The following KYAT1 variants were observed in gnomAD, a reference collection of about 807,000 sequenced individuals.
KYAT1 encodes the protein kynurenine aminotransferase 1.
In KYAT1, 47 loss-of-function variants were observed where a neutral mutation model predicts 52.4. That is an observed-to-expected ratio of 0.90 (90% CI 0.71 to 1.14). The LOEUF (loss-of-function observed/expected upper bound fraction) is 1.14. Among genes scored for constraint, KYAT1 ranks in the 50% most tolerant of loss-of-function variants. The pLI is 0.00. For synonymous variants in KYAT1, 212 were observed against 209.6 expected, an observed-to-expected ratio of 1.01 and a Z score of -0.10; for missense variants, 480 against 557.9, an observed-to-expected ratio of 0.86 and a Z score of 1.41.
intron 1 of KYAT1, among the ~76,000 whole-genome samples, chr9:128,851,908 G>A (rs969873956): frequency 2.6e-5 from 4 of 152,098 alleles, no homozygotes; most frequent in African/African-American, 9.7e-5. Context: ...CAACCACAAT[G>A]GCCACCTCCT....
intron 1 of KYAT1, among the ~76,000 whole-genome samples, chr9:128,845,846 C>G (rs1833008376): frequency 6.6e-6 from 1 of 152,226 alleles, no homozygotes; most frequent in Non-Finnish European, 1.5e-5. Context: ...AGAGGTCTTG[C>G]TAAGCACTTC....
chr9:128,867,927 C>A (rs1329865246), intron 1 of KYAT1, among the ~76,000 whole-genome samples: 1 of 152,020 alleles, frequency 6.6e-6, no homozygotes, highest in Non-Finnish European at 1.5e-5. Context: ...TGCCCACCAC[C>A]ACGCCCAGCT....
In KYAT1 at chr9:128,833,408, G is replaced by T; in HGVS notation, c.*176C>A. 1.5e-6 allele frequency: 1 copy of T among 682,592 alleles called. No homozygotes were observed. Among genetic ancestry groups the T allele is most frequent in the Non-Finnish European group, 2.5e-6 (1 of 398,770 alleles). 42.3% of individuals were successfully genotyped at this position (682,592 alleles called of 1,614,324 possible). ...TCACCTTTCAGACAGGAGGCACTTG[G>T]TTCTCTAAGATGAAGAAGGGCGGCT... is the stretch of plus-strand genomic sequence containing the variant. On this transcript the variant is annotated 3_prime_UTR_variant, in exon 13 of 13. Transcript: ENST00000302586.
At chr9:128,845,116 G>C (rs1050935987) in intron 2 of KYAT1, among the ~76,000 whole-genome samples, 4 of 152,148 alleles carry the variant, frequency 2.6e-5, no homozygotes, top group African/African-American at 9.7e-5. Context: ...TTTGCAGCTG[G>C]GGAGATGAGG....
At chr9:128,839,781 C>T (rs942481462) in intron 3 of KYAT1, among the ~76,000 whole-genome samples, 7 of 152,206 alleles carry the variant, frequency 4.6e-5, no homozygotes, top group South Asian at 2.1e-4. Flanking sequence ...GGCCAGGCAC[C>T]GTGGCTCACG....
chr9:128,859,069 A>C (rs1203280764), intron 1 of KYAT1, among the ~76,000 whole-genome samples: 1 of 152,088 alleles, frequency 6.6e-6, no homozygotes, highest in African/African-American at 2.4e-5. Context: ...ATACTTAAAA[A>C]TAGTTACCCT....
chr9:128,865,328 TATATATATATATATATATATA>T lies in KYAT1; in HGVS notation c.-7+16548_-7+16568del, dbSNP rs1836103834. Among the ~76,000 whole-genome samples the T allele has an allele frequency of 1.6e-4, 6 of 36,648 alleles. 1 individual carries two copies. The highest frequency in any genetic ancestry group is 1.2e-3 in the Admixed American group (4 of 3,202). The allele number at this position is 36,648 out of a possible 152,430, so 24.0% of individuals were successfully genotyped here. A position where few individuals can be genotyped will look rare whatever the true frequency, so the allele number is the denominator to read the frequency against. On this transcript the variant is annotated intron_variant, in intron 1 of 12. Coordinates refer to ENST00000302586, the MANE Select transcript of KYAT1 (RefSeq NM_004059.5). ...GCCTACATATATATATATATATATA[TATATATATATATATATATATA>T]TATATATATATTTTTTTTTTTTTTT...
intron 2 of KYAT1, 34 bp downstream of exon 2, chr9:128,845,318 GA>G: frequency 2.5e-6 from 4 of 1,600,868 alleles, no homozygotes; most frequent in Non-Finnish European, 3.4e-6. Context: ...TGCCCGAGGG[GA>G]CACCCACACA....
chr9:128,839,782 G>A (rs906600738), intron 3 of KYAT1, among the ~76,000 whole-genome samples: 1 of 152,232 alleles, frequency 6.6e-6, no homozygotes, highest in African/African-American at 2.4e-5. Context: ...GCCAGGCACC[G>A]TGGCTCACGC....
intron 1 of KYAT1, among the ~76,000 whole-genome samples, chr9:128,851,343 T>C (rs1386096008): frequency 6.6e-6 from 1 of 152,176 alleles, no homozygotes; most frequent in Non-Finnish European, 1.5e-5. Context: ...CGGTCAGCCT[T>C]GCAGTATGCT....
rs377459895 is a variant in KYAT1, at chr9:128,836,036, G to A, written c.726C>T (p.Ile242=). The A allele has an allele frequency of 1.8e-5, 29 of 1,613,784 alleles. No homozygotes were observed. The highest frequency in any genetic ancestry group is 1.1e-4 in the African/African-American group (8 of 74,926). Reference sequence around the variant, plus strand: ...CGCTGAAGGTCTTGCCGGCGCTGCCGATGGTCAGGGTCCGTTCCCACATGC... The same window carrying A: ...CGCTGAAGGTCTTGCCGGCGCTGCCAATGGTCAGGGTCCGTTCCCACATGC... The part of the protein sequence containing the change: ...LPGMWERTLT[I]GSAGKTFSAT... Residue 242 remains isoleucine (I), a synonymous_variant, in exon 8 of 13, where the codon ATC becomes ATT. Transcript: ENST00000302586.
intron 1 of KYAT1, among the ~76,000 whole-genome samples, chr9:128,866,248 A>C (rs527943772): frequency 6.6e-6 from 1 of 152,190 alleles, no homozygotes; most frequent in African/African-American, 2.4e-5. Flanking sequence ...AATCGACAAC[A>C]AAAGACCAGC....
At chr9:128,869,830 T>A (rs1836976212) in intron 1 of KYAT1, among the ~76,000 whole-genome samples, 1 of 151,980 alleles carries the variant, frequency 6.6e-6, no homozygotes, top group Non-Finnish European at 1.5e-5. Flanking sequence ...CTTAGCTCAC[T>A]GCAACCTCTG....
intron 1 of KYAT1, among the ~76,000 whole-genome samples, chr9:128,881,535 CAG>C (rs773083639): frequency 2.6e-5 from 4 of 152,066 alleles, no homozygotes; most frequent in African/African-American, 4.8e-5. Context: ...TGTTATCAGC[CAG>C]GGAATTTGCG....
chr9:128,870,214 C>A (rs773502812), intron 1 of KYAT1, among the ~76,000 whole-genome samples: 2 of 151,958 alleles, frequency 1.3e-5, no homozygotes, highest in Non-Finnish European at 2.9e-5. Context: ...TCATAGCCAA[C>A]AGGTGAAAAA....
At chr9:128,858,149 C>T (rs1211800991) in intron 1 of KYAT1, among the ~76,000 whole-genome samples, 2 of 152,180 alleles carry the variant, frequency 1.3e-5, no homozygotes, top group Non-Finnish European at 2.9e-5. Flanking sequence ...GTAATCCCAG[C>T]ACTTTGGGAG....
chr9:128,838,107 A>G lies in KYAT1; in HGVS notation c.382T>C (p.Tyr128His). 1.9e-6 allele frequency: 3 copies of G among 1,614,174 alleles called. No individual in the cohort carries two copies. The highest frequency in any genetic ancestry group is 2.5e-6 in the Non-Finnish European group (3 of 1,180,026). ...VIIIEPFFDCYEPMTMMAGGR... is the reference protein window; with the variant it reads ...VIIIEPFFDCHEPMTMMAGGR... ...CCTGCCATCATTGTCATGGGCTCGT[A>G]GCAGTCAAAAAAGGGTTCGATGATG... The change falls in exon 5 of 13, where the codon TAC becomes CAC. Residue 128 changes from tyrosine to histidine, a missense_variant. Coordinates refer to ENST00000302586, the MANE Select transcript of KYAT1 (RefSeq NM_004059.5).
chr9:128,873,117 CAA>C (rs940285353), intron 1 of KYAT1, among the ~76,000 whole-genome samples: 2 of 146,090 alleles, frequency 1.4e-5, no homozygotes, highest in African/African-American at 5.0e-5. Flanking sequence ...TTAAATTGTG[CAA>C]AGAGAACTTA....
At chr9:128,844,635 A>C (rs964759419) in intron 2 of KYAT1, among the ~76,000 whole-genome samples, 2 of 151,858 alleles carry the variant, frequency 1.3e-5, no homozygotes, top group Admixed American at 6.6e-5. Flanking sequence ...GGTTGCAGTG[A>C]GCCGAGATCA....
Sources: allele counts gnomAD v4.1 joint callset (sites outside exome capture counted in the v4.1 genomes callset), GRCh38; gene constraint gnomAD v4.1.1; transcripts MANE v1.5; gene names NCBI Gene and HGNC (gene_info 2026-07-23, HGNC 2026-07-21).